MACC1: variants seen among roughly 807,000 people sequenced by gnomAD.
The protein encoded by MACC1 is metastasis-associated in colon cancer protein 1.
In MACC1, 79 loss-of-function variants were observed where a neutral mutation model predicts 70.7. The ratio of observed to expected loss-of-function variants is 1.12; its 90% CI spans 0.93 to 1.35. The LOEUF (loss-of-function observed/expected upper bound fraction) is 1.35, where lower values mean the gene tolerates loss of function less well. MACC1 is among the 40% of genes most tolerant of loss of function. The probability of loss-of-function intolerance (pLI) is 0.00; values close to 1 mark genes in which losing one functional copy is unlikely to be tolerated. For missense variants in MACC1, 1,106 were observed against 978.1 expected, an observed-to-expected ratio of 1.13 and a Z score of -1.74; for synonymous variants, 361 against 347.2, an observed-to-expected ratio of 1.04 and a Z score of -0.44.
chr7:20,212,452 G>A (rs889126785), intron 1 of MACC1, among the ~76,000 whole-genome samples: 1 of 152,108 alleles, frequency 6.6e-6, no homozygotes, highest in Non-Finnish European at 1.5e-5. Context: ...ACAAAACCTG[G>A]GAGGAAAGAG....
Position 20,158,645 on chromosome 7 carries a change from A to C in MACC1, c.1716T>G (p.Tyr572Ter). 5 of 1,614,070 alleles carry C rather than the reference A, an allele frequency of 3.1e-6. No individual in the cohort carries two copies. The South Asian group carries it at 3.3e-5, about 11-fold the overall frequency. The change falls in exon 5 of 7, where the codon TAT (tyrosine) becomes TAG (stop). Residue 572 changes from tyrosine to a stop codon, truncating the protein, a stop_gained. Coordinates refer to ENST00000400331, the MANE Select transcript of MACC1 (RefSeq NM_182762.4). LOFTEE classifies it high-confidence loss of function. ...RQSKIDYFLE[Y>*]FKGDTIALLG... Reference sequence around the variant, plus strand: ...GGAGAGCTATTGTGTCCCCTTTGAAATATTCAAGGAAGTAATCAATCTTGC... The same window carrying C: ...GGAGAGCTATTGTGTCCCCTTTGAACTATTCAAGGAAGTAATCAATCTTGC...
rs181324234 is a variant in MACC1 at position 20,201,583 on chromosome 7, A to C, written c.-218+15716T>G. Reference sequence around the variant, plus strand: ...CTTTAGCCTAAAGAAGACGCAGAGGAGTTTAAGTTCAGTCAATGACATGAT... The same window carrying C: ...CTTTAGCCTAAAGAAGACGCAGAGGCGTTTAAGTTCAGTCAATGACATGAT... On this transcript the variant is annotated intron_variant, in intron 1 of 6. Transcript: ENST00000400331. Among the ~76,000 whole-genome samples, 6 of 152,286 alleles carry C rather than the reference A, an allele frequency of 3.9e-5. No individual in the cohort carries two copies. The East Asian group carries it at 1.2e-3, about 29-fold the overall frequency.
rs887920040 is a variant in MACC1 at position 20,138,954 on chromosome 7, G to T, written c.*1992C>A. ...CCCAAAGTGCTGGGATTTCAGGCAT[G>T]AGCCATCGCGCCCGGCCAAGATTAT... is the stretch of plus-strand genomic sequence containing the variant. On this transcript the variant is annotated 3_prime_UTR_variant, in exon 7 of 7. Coordinates refer to ENST00000400331, the MANE Select transcript of MACC1 (RefSeq NM_182762.4). 1 of 152,296 alleles carries T rather than the reference G, an allele frequency of 6.6e-6. No individual in the cohort carries two copies. The highest frequency in any genetic ancestry group is 6.5e-5 in the Admixed American group (1 of 15,292). 9.4% of individuals were successfully genotyped at this position (152,296 alleles called of 1,614,324 possible). A position where few individuals can be genotyped will look rare whatever the true frequency, so the allele number is the denominator to read the frequency against.
At chr7:20,168,795 C>G (rs967088435) in intron 2 of MACC1, among the ~76,000 whole-genome samples, 1 of 152,208 alleles carries the variant, frequency 6.6e-6, no homozygotes, top group African/African-American at 2.4e-5. Flanking sequence ...ATGCTTGGTT[C>G]CTCTCAACAG....
chr7:20,167,390 T>A (rs944252772), intron 2 of MACC1, among the ~76,000 whole-genome samples: 1 of 151,724 alleles, frequency 6.6e-6, no homozygotes, highest in Non-Finnish European at 1.5e-5. Flanking sequence ...GAGATGGGGT[T>A]TCACCATGTT....
intron 1 of MACC1, among the ~76,000 whole-genome samples, chr7:20,181,575 T>G (rs906652986): frequency 3.9e-5 from 6 of 152,116 alleles, no homozygotes; most frequent in African/African-American, 1.4e-4. Context: ...TTGCTAAAAT[T>G]CCATATTGAA....
rs1310587757 is a variant in MACC1, at chr7:20,138,350, T to C, written c.*2596A>G. ...ATGATGCAATGTAAACCTTAAATTA[T>C]TTATTTAATCTTACTACACTAATCA... On this transcript the variant is annotated 3_prime_UTR_variant, in exon 7 of 7. Coordinates refer to ENST00000400331, the MANE Select transcript of MACC1 (RefSeq NM_182762.4). The C allele has an allele frequency of 2.0e-5, 3 of 152,078 alleles. No homozygotes were observed. The allele number at this position is 152,078 out of a possible 1,614,324, so 9.4% of individuals were successfully genotyped here. A position where few individuals can be genotyped will look rare whatever the true frequency, so the allele number is the denominator to read the frequency against.
At chr7:20,215,568 A>G (rs767694437) in intron 1 of MACC1, among the ~76,000 whole-genome samples, 1 of 152,202 alleles carries the variant, frequency 6.6e-6, no homozygotes, top group Non-Finnish European at 1.5e-5. Context: ...TTATTAATAT[A>G]TGGCATATCA....
chr7:20,177,723 G>T (rs3114450), intron 1 of MACC1, among the ~76,000 whole-genome samples: 6,302 of 34,582 alleles, frequency 0.18, 175 homozygotes, highest in African/African-American at 0.37. Flanking sequence ...TGCCTTTGTT[G>T]TTTTTTTTTT....
chr7:20,154,041 T>C, intron 6 of MACC1, 152 bp downstream of exon 6: 1 of 676,096 alleles, frequency 1.5e-6, no homozygotes, highest in South Asian at 2.0e-5. Context: ...TTATTTCAGA[T>C]AGTACTGATG....
intron 3 of MACC1, among the ~76,000 whole-genome samples, chr7:20,163,155 G>T (rs1044416196): frequency 6.6e-6 from 1 of 151,622 alleles, no homozygotes; most frequent in Non-Finnish European, 1.5e-5. Context: ...AAACACAATG[G>T]CCCCTAGATA....
At position 20,139,825 on chromosome 7, in the gene MACC1, TACAC is replaced by T. The variant is rs72161770; in HGVS notation, c.*1117_*1120del. ...GGCTGTGCTTTATAAAACACTGTGG[TACAC>T]ACACACACACACACACACACACACA... On this transcript the variant is annotated 3_prime_UTR_variant, in exon 7 of 7. Transcript: ENST00000400331. 5,446 of 145,538 alleles carry T rather than the reference TACAC, an allele frequency of 0.037. 271 individuals carry two copies. The highest frequency in any genetic ancestry group is 0.11 in the African/African-American group (4,324 of 39,802). 9.0% of individuals were successfully genotyped at this position (145,538 alleles called of 1,614,324 possible).
intron 1 of MACC1, among the ~76,000 whole-genome samples, chr7:20,174,659 C>T (rs1782365753): frequency 6.6e-6 from 1 of 152,026 alleles, no homozygotes; most frequent in Non-Finnish European, 1.5e-5. Context: ...TTTCAAATGG[C>T]ATTTCCCTAT....
intron 1 of MACC1, among the ~76,000 whole-genome samples, chr7:20,197,334 G>T (rs1360686969): frequency 6.6e-6 from 1 of 152,150 alleles, no homozygotes; most frequent in Non-Finnish European, 1.5e-5. Context: ...TTCAACTGCT[G>T]CTGTGTTTGC....
intron 1 of MACC1, among the ~76,000 whole-genome samples, chr7:20,185,977 T>C (rs888818281): frequency 6.6e-6 from 1 of 152,236 alleles, no homozygotes; most frequent in African/African-American, 2.4e-5. Flanking sequence ...TCTCTATGAC[T>C]ACTCTTTTGA....
rs983806675 is a variant in MACC1 at position 20,138,724 on chromosome 7, G to C, written c.*2222C>G. ...GAGACAGCCTGTCACCCAGGCTGGA[G>C]TGCAGTGGCATGAACTCGGCTCACT... On this transcript the variant is annotated 3_prime_UTR_variant, in exon 7 of 7. Coordinates refer to ENST00000400331, the MANE Select transcript of MACC1 (RefSeq NM_182762.4). 3 of 151,294 alleles carry C rather than the reference G, an allele frequency of 2.0e-5. No individual in the cohort carries two copies. The highest frequency in any genetic ancestry group is 7.3e-5 in the African/African-American group (3 of 41,056). 9.4% of individuals were successfully genotyped at this position (151,294 alleles called of 1,614,324 possible).
chr7:20,159,954 C>A lies in MACC1; in HGVS notation c.407G>T (p.Arg136Ile). The change falls in exon 5 of 7, where the codon AGA (arginine) becomes ATA (isoleucine). Residue 136 changes from arginine (R) to isoleucine (I), a missense_variant. Physicochemically the swap from Arg to Ile is moderately conservative, Grantham distance 97. Coordinates refer to ENST00000400331, the MANE Select transcript of MACC1 (RefSeq NM_182762.4). The stretch of plus-strand genomic sequence containing the variant: ...CAGAAGTTCTGAAACACTTTTAGAT[C>A]TTCCAGAATTTCTTGAGGAAGTCTG... Reference protein sequence around the residue: ...LRQTSSRNSGRSKSVSELLDI... With the variant: ...LRQTSSRNSGISKSVSELLDI... 1 of 1,614,118 alleles carries A rather than the reference C, an allele frequency of 6.2e-7. No homozygotes were observed. Among genetic ancestry groups the A allele is most frequent in the East Asian group, 2.2e-5 (1 of 44,880 alleles).
chr7:20,215,088 TTATTTA>T (rs58651596), intron 1 of MACC1, among the ~76,000 whole-genome samples: 12,849 of 151,452 alleles, frequency 0.085, 627 homozygotes, highest in Non-Finnish European at 0.11. Flanking sequence ...GTTTATTTAT[TTATTTA>T]TTTATTTATT....
chr7:20,207,210 G>A (rs752247973), intron 1 of MACC1, among the ~76,000 whole-genome samples: 6 of 151,540 alleles, frequency 4.0e-5, no homozygotes, highest in Admixed American at 6.6e-5. Context: ...GCGCAGTCTC[G>A]GCTCACTGCA....
Sources: gnomAD v4.1 joint callset for allele counts (sites outside exome capture counted in the v4.1 genomes callset) on GRCh38, gnomAD v4.1.1 for gene constraint, MANE v1.5 for transcripts, NCBI Gene and HGNC (gene_info 2026-07-23, HGNC 2026-07-21) for gene names.